CORO2B: variants seen among roughly 807,000 people sequenced by gnomAD.
CORO2B encodes coronin-2B.
In CORO2B, 26 loss-of-function variants were observed where a neutral mutation model predicts 58.8. The observed-to-expected ratio is 0.44, with a 90% CI of 0.32 to 0.61. The LOEUF is 0.61. Ranked by LOEUF, CORO2B falls within the 20% of genes least tolerant of loss-of-function variation. CORO2B has a pLI of 0.04. For synonymous variants in CORO2B, 242 were observed against 253.8 expected, an observed-to-expected ratio of 0.95 and a Z score of 0.44; for missense variants, 460 against 645.1, an observed-to-expected ratio of 0.71 and a Z score of 3.11.
At chr15:68,658,341 A>C (rs1901892805) in intron 2 of CORO2B, among the ~76,000 whole-genome samples, 1 of 152,222 alleles carries the variant, frequency 6.6e-6, no homozygotes, top group African/African-American at 2.4e-5. Flanking sequence ...CCAAAGCGAC[A>C]GCTGGGTGAG....
the CORO2B span, among the ~76,000 whole-genome samples, chr15:68,545,011 G>A: frequency 6.6e-5 from 10 of 152,066 alleles, no homozygotes; most frequent in Admixed American, 5.9e-4. Flanking sequence ...TCCTGACCTC[G>A]TGATCCGCCC....
At chr15:68,551,671 C>A in the CORO2B span, among the ~76,000 whole-genome samples, 1 of 152,188 alleles carries the variant, frequency 6.6e-6, no homozygotes, top group Non-Finnish European at 1.5e-5. Flanking sequence ...GGAACCAGGG[C>A]TCTTGAAGAT....
chr15:68,556,027 G>A, the CORO2B span, among the ~76,000 whole-genome samples: 2 of 152,254 alleles, frequency 1.3e-5, no homozygotes, highest in Non-Finnish European at 2.9e-5. Context: ...AGAAGGAAGA[G>A]AATCCACTCA....
chr15:68,633,514 T>TC (rs1555412724), intron 1 of CORO2B, among the ~76,000 whole-genome samples: 1 of 144,000 alleles, frequency 6.9e-6, no homozygotes, highest in African/African-American at 2.6e-5. Context: ...TACTCCAACA[T>TC]ACACACACAC....
the CORO2B span, among the ~76,000 whole-genome samples, chr15:68,550,937 CCA>C: frequency 3.1e-4 from 47 of 152,216 alleles, no homozygotes; most frequent in Non-Finnish European, 1.6e-4. Context: ...CCCCACACCT[CCA>C]GTCTCCCTCC....
chr15:68,628,086 T>C (rs1281704344), intron 1 of CORO2B, among the ~76,000 whole-genome samples: 4 of 152,270 alleles, frequency 2.6e-5, no homozygotes, highest in Admixed American at 2.0e-4. Flanking sequence ...AGGGCCAGCA[T>C]AATTTGGGTG....
At chr15:68,533,425 A>G in the CORO2B span, among the ~76,000 whole-genome samples, 1 of 152,206 alleles carries the variant, frequency 6.6e-6, no homozygotes, top group African/African-American at 2.4e-5. Flanking sequence ...GACATGTAAT[A>G]TATGTGCAAA....
chr15:68,640,077 C>T (rs1901160648), intron 1 of CORO2B, among the ~76,000 whole-genome samples: 1 of 152,204 alleles, frequency 6.6e-6, no homozygotes, highest in African/African-American at 2.4e-5. Context: ...TGTTCCCTGC[C>T]TGCGCACCCA....
At chr15:68,624,569 A>G (rs557335858) in intron 1 of CORO2B, among the ~76,000 whole-genome samples, 1 of 152,254 alleles carries the variant, frequency 6.6e-6, no homozygotes, top group Non-Finnish European at 1.5e-5. Context: ...TTAGTTGTGC[A>G]TTCAAATCAC....
the CORO2B span, among the ~76,000 whole-genome samples, chr15:68,556,872 G>A: frequency 6.6e-6 from 1 of 152,136 alleles, no homozygotes; most frequent in Non-Finnish European, 1.5e-5. Context: ...GGATCCCTGG[G>A]CCTCTTTTCC....
chr15:68,545,405 T>C, the CORO2B span, among the ~76,000 whole-genome samples: 12 of 152,276 alleles, frequency 7.9e-5, no homozygotes, highest in Non-Finnish European at 1.8e-4. Context: ...CCAGCCTCTG[T>C]CATACCCTGG....
rs377699065 is a variant in CORO2B at position 68,645,390 on chromosome 15, C to T, written c.216+30C>T. On this transcript the variant is annotated intron_variant, in intron 2 of 11. Transcript: ENST00000261861. The surrounding 1 kb of genome is among the most constrained non-coding windows in gnomAD (Gnocchi z 4.5). ...GTGGCCCCTACCTTCACTCCAGCTG[C>T]AGCTCCAGGGCAGAGAGGAGCCCTC... 6.2e-7 allele frequency: 1 copy of T among 1,601,788 alleles called. No individual in the cohort carries two copies. Among genetic ancestry groups the T allele is most frequent in the Non-Finnish European group, 8.5e-7 (1 of 1,175,686 alleles).
intron 9 of CORO2B, 68 bp from the exon 10 acceptor site, chr15:68,719,076 C>G (rs1893099792): frequency 4.0e-6 from 5 of 1,248,676 alleles, no homozygotes; most frequent in Non-Finnish European, 5.9e-6. Context: ...TAAGAAGAGT[C>G]TGACTGAAGA....
rs1051238449 is a variant in CORO2B at position 68,645,571 on chromosome 15, C to T, written c.216+211C>T. ...GATCCAGGAGACCTGAGATCTCTTT[C>T]CAGAGCTTGCCTAAAGGTATGCACT... On this transcript the variant is annotated intron_variant, in intron 2 of 11. Coordinates refer to ENST00000261861, the MANE Select transcript of CORO2B (RefSeq NM_006091.5). The surrounding 1 kb of genome is among the most constrained non-coding windows in gnomAD (Gnocchi z 4.5). 3.3e-5 allele frequency among the ~76,000 whole-genome samples: 5 copies of T among 152,122 alleles called. No individual in the cohort carries two copies. The highest frequency in any genetic ancestry group is 1.3e-4 in the Admixed American group (2 of 15,272).
At chr15:68,559,770 G>C in the CORO2B span, among the ~76,000 whole-genome samples, 1 of 152,156 alleles carries the variant, frequency 6.6e-6, no homozygotes, top group African/African-American at 2.4e-5. This position sits in a 1 kb window ranked among gnomAD's most constrained non-coding sequence, Gnocchi z 4.3. Flanking sequence ...GCTCCACGGC[G>C]TGCCCACCAG....
chr15:68,723,952 C>T (rs1893230807), intron 11 of CORO2B, among the ~76,000 whole-genome samples: 1 of 151,942 alleles, frequency 6.6e-6, no homozygotes, highest in Non-Finnish European at 1.5e-5. Flanking sequence ...CACCTGCAAT[C>T]CCAGCACCTT....
chr15:68,605,492 A>G (rs1003785106), intron 1 of CORO2B, among the ~76,000 whole-genome samples: 5 of 152,256 alleles, frequency 3.3e-5, no homozygotes, highest in African/African-American at 1.2e-4. Context: ...ATTCAATGGA[A>G]TATTCTGCAG....
intron 1 of CORO2B, among the ~76,000 whole-genome samples, chr15:68,636,174 C>T (rs1433277968): frequency 1.3e-5 from 2 of 152,202 alleles, no homozygotes; most frequent in East Asian, 1.9e-4. Context: ...ACTAAACACA[C>T]GTTGGCTGCT....
chr15:68,596,027 G>T (rs1309661444), intron 1 of CORO2B, among the ~76,000 whole-genome samples: 5 of 152,032 alleles, frequency 3.3e-5, no homozygotes, highest in Admixed American at 1.3e-4. Flanking sequence ...AGGGTCGGGG[G>T]CTGGGAAGGT....
Sources: allele counts gnomAD v4.1 joint callset (sites outside exome capture counted in the v4.1 genomes callset), GRCh38; gene constraint gnomAD v4.1.1; non-coding constraint Gnocchi (gnomAD v3.1); transcripts MANE v1.5; gene names NCBI Gene and HGNC (gene_info 2026-07-23, HGNC 2026-07-21).